PDCD10: variants seen among roughly 807,000 people sequenced by gnomAD.
The protein encoded by PDCD10 is programmed cell death 10.
A neutral mutation model predicts 29.2 loss-of-function variants in PDCD10; 4 were observed. The observed-to-expected ratio is 0.14, with a 90% CI of 0.07 to 0.31. The LOEUF (loss-of-function observed/expected upper bound fraction) is 0.31, where lower values mean the gene tolerates loss of function less well. Among genes scored for constraint, PDCD10 ranks in the 10% least tolerant of loss-of-function variants. PDCD10 has a pLI of 1.00. For missense variants in PDCD10, 183 were observed against 257.9 expected (o/e 0.71, Z 1.99); for synonymous variants, 70 against 82.2 (o/e 0.85, Z 0.80).
At chr3:167,723,223 GCTT>G (rs1336923046) in intron 2 of PDCD10, among the ~76,000 whole-genome samples, 6 of 152,122 alleles carry the variant, frequency 3.9e-5, no homozygotes, top group Non-Finnish European at 5.9e-5. Context: ...CCTTCCGCAT[GCTT>G]CTTCATTTGA....
Position 167,720,174 on chromosome 3 carries a change from G to C in PDCD10, c.-17C>G. On this transcript the variant is annotated 5_prime_UTR_variant, in exon 3 of 9. Transcript: ENST00000392750. The stretch of plus-strand genomic sequence containing the variant: ...CATCCTCATTCAAAAGCCAACTACA[G>C]TTGAAAAAGCAGTGCTAAAATGCAG... 1 of 1,549,428 alleles carries C rather than the reference G, an allele frequency of 6.5e-7. No individual in the cohort carries two copies. Among genetic ancestry groups the C allele is most frequent in the Non-Finnish European group, 8.9e-7 (1 of 1,121,666 alleles).
At chr3:167,709,555 G>C (rs1347925782) in intron 3 of PDCD10, among the ~76,000 whole-genome samples, 10 of 152,188 alleles carry the variant, frequency 6.6e-5, no homozygotes. Flanking sequence ...ACGTGACACG[G>C]TCAGAGGAGA....
intron 2 of PDCD10, among the ~76,000 whole-genome samples, chr3:167,723,659 G>A (rs1011717146): frequency 6.6e-6 from 1 of 152,138 alleles, no homozygotes; most frequent in Non-Finnish European, 1.5e-5. Context: ...AGAACTTTAC[G>A]TCTCACGTTT....
chr3:167,726,627 T>C (rs1424831579), intron 2 of PDCD10, among the ~76,000 whole-genome samples: 1 of 152,208 alleles, frequency 6.6e-6, no homozygotes, highest in Non-Finnish European at 1.5e-5. Flanking sequence ...TTAAGAGTAC[T>C]AACTGCATAT....
chr3:167,695,768 C>G, intron 5 of PDCD10, 46 bp from the exon 6 acceptor site: 1 of 1,582,498 alleles, frequency 6.3e-7, no homozygotes, highest in Non-Finnish European at 8.7e-7. Context: ...GACTCTCTGC[C>G]AAATTCATCA....
intron 3 of PDCD10, among the ~76,000 whole-genome samples, chr3:167,711,612 A>T (rs181667424): frequency 3.1e-4 from 47 of 152,308 alleles, no homozygotes; most frequent in African/African-American, 1.0e-3. Context: ...TCAAAGTGAT[A>T]ACAACAGAGA....
At chr3:167,684,994 C>T (rs1719437831) in intron 8 of PDCD10, among the ~76,000 whole-genome samples, 2 of 151,628 alleles carry the variant, frequency 1.3e-5, no homozygotes, top group African/African-American at 4.8e-5. Flanking sequence ...CCACCACATT[C>T]TCCTAATGGC....
intron 8 of PDCD10, among the ~76,000 whole-genome samples, chr3:167,684,833 T>A (rs994408717): frequency 6.6e-6 from 1 of 152,082 alleles, no homozygotes. Context: ...AATCTCTTTA[T>A]CTCCTTAAAA....
intron 2 of PDCD10, among the ~76,000 whole-genome samples, chr3:167,732,339 T>C (rs1290524176): frequency 1.3e-5 from 2 of 152,172 alleles, no homozygotes; most frequent in Non-Finnish European, 2.9e-5. Flanking sequence ...AACAGACAGA[T>C]GTATAATATA....
chr3:167,719,950 T>C lies in PDCD10; in HGVS notation c.96+112A>G, dbSNP rs534268045. 116 of 818,726 alleles carry C rather than the reference T, an allele frequency of 1.4e-4. No individual in the cohort carries two copies. The African/African-American group carries it at 1.8e-3, about 13-fold the overall frequency. The allele number at this position is 818,726 out of a possible 1,614,324, so 50.7% of individuals were successfully genotyped here. A position where few individuals can be genotyped will look rare whatever the true frequency, so the allele number is the denominator to read the frequency against. On this transcript the variant is annotated intron_variant, in intron 3 of 8. Coordinates refer to ENST00000392750, the MANE Select transcript of PDCD10 (RefSeq NM_007217.4). ...CCTGATACAATGCCTAACGCACCGA[T>C]AAGAGTTCATTCATGCTAGTATTTG...
intron 2 of PDCD10, among the ~76,000 whole-genome samples, chr3:167,723,792 A>C (rs1317280844): frequency 6.6e-6 from 1 of 152,244 alleles, no homozygotes; most frequent in Non-Finnish European, 1.5e-5. Flanking sequence ...GCATACTTTT[A>C]AACACACTTT....
chr3:167,733,028 C>T (rs902430370), intron 2 of PDCD10, among the ~76,000 whole-genome samples: 15 of 152,098 alleles, frequency 9.9e-5, no homozygotes, highest in South Asian at 4.1e-4. Context: ...TTTTAAAAAT[C>T]GTATTAATTT....
chr3:167,728,276 G>GA (rs1199055780), intron 2 of PDCD10, among the ~76,000 whole-genome samples: 1 of 151,324 alleles, frequency 6.6e-6, no homozygotes. Context: ...GGAATTAAAT[G>GA]AAAAAAAGCC....
At chr3:167,734,590 G>C (rs1463892845) in intron 1 of PDCD10, 72 bp downstream of exon 1, 2 of 152,418 alleles carry the variant, frequency 1.3e-5, no homozygotes, top group African/African-American at 4.8e-5. Context: ...TCCTGGAGGC[G>C]TTCGGGCCCA....
chr3:167,716,676 A>G (rs936100734), intron 3 of PDCD10, among the ~76,000 whole-genome samples: 2 of 151,972 alleles, frequency 1.3e-5, no homozygotes, highest in African/African-American at 2.4e-5. Flanking sequence ...TAAGAGTTCC[A>G]TATCTGCTAA....
At chr3:167,693,306 A>AT (rs775138065) in intron 6 of PDCD10, among the ~76,000 whole-genome samples, 5 of 152,240 alleles carry the variant, frequency 3.3e-5, no homozygotes, top group Non-Finnish European at 5.9e-5. Context: ...AATTCTGAAC[A>AT]TATGTACTGC....
intron 3 of PDCD10, among the ~76,000 whole-genome samples, chr3:167,711,277 T>C (rs919483496): frequency 6.6e-6 from 1 of 152,066 alleles, no homozygotes; most frequent in African/African-American, 2.4e-5. Context: ...AAATTCAAGA[T>C]AACACAGAGA....
chr3:167,733,468 G>A lies in PDCD10; in HGVS notation c.-117+746C>T, dbSNP rs77468146. On this transcript the variant is annotated intron_variant, in intron 2 of 8. Coordinates refer to ENST00000392750, the MANE Select transcript of PDCD10 (RefSeq NM_007217.4). ...AATGTAAAGTAAGAATGAATTGAAA[G>A]TCACAGTTGATGCTAAGAAAAATAA... Among the ~76,000 whole-genome samples the A allele has an allele frequency of 5.9e-3, 900 of 152,162 alleles. 12 individuals are homozygous for A. The highest frequency in any genetic ancestry group is 0.02 in the African/African-American group (850 of 41,504).
intron 3 of PDCD10, among the ~76,000 whole-genome samples, chr3:167,712,688 C>G (rs897107464): frequency 5.9e-5 from 9 of 151,742 alleles, no homozygotes; most frequent in Non-Finnish European, 1.2e-4. Flanking sequence ...GATTAAAAAA[C>G]AAGAACAACC....
Sources: gnomAD v4.1 joint callset for allele counts (sites outside exome capture counted in the v4.1 genomes callset) on GRCh38, gnomAD v4.1.1 for gene constraint, MANE v1.5 for transcripts, NCBI Gene and HGNC (gene_info 2026-07-23, HGNC 2026-07-21) for gene names.